The following SPATA16 variants were observed in gnomAD, a reference collection of about 807,000 sequenced individuals.
SPATA16 encodes the protein spermatogenesis-associated protein 16.
SPATA16 carries 36 observed loss-of-function variants against 63.3 expected under a neutral mutation model. The ratio of observed to expected loss-of-function variants is 0.57; its 90% confidence interval spans 0.44 to 0.75. SPATA16 has a LOEUF of 0.75. Among genes scored for constraint, SPATA16 ranks in the 30% least tolerant of loss-of-function variants. The pLI is 0.00. For synonymous variants in SPATA16, 203 were observed against 216.7 expected, an observed-to-expected ratio of 0.94 and a Z score of 0.56; for missense variants, 646 against 679.3, an observed-to-expected ratio of 0.95 and a Z score of 0.54.
chr3:172,969,212 G>A (rs1733991586), intron 5 of SPATA16, among the ~76,000 whole-genome samples: 1 of 152,148 alleles, frequency 6.6e-6, no homozygotes, highest in Non-Finnish European at 1.5e-5. Context: ...GAAAGGGACA[G>A]CAATTATTAA....
intron 2 of SPATA16, among the ~76,000 whole-genome samples, chr3:173,065,920 A>C (rs1736508435): frequency 6.6e-6 from 1 of 152,192 alleles, no homozygotes; most frequent in African/African-American, 2.4e-5. Flanking sequence ...GTCAGGCTAC[A>C]AGGACCGCCG....
At chr3:173,058,237 G>A (rs1489696727) in intron 2 of SPATA16, among the ~76,000 whole-genome samples, 2 of 151,892 alleles carry the variant, frequency 1.3e-5, no homozygotes, top group Non-Finnish European at 2.9e-5. Context: ...ATTATTATAA[G>A]TGGCTGCATA....
Position 173,117,013 on chromosome 3 carries a change from C to T in SPATA16, c.612+107G>A, listed in dbSNP as rs146771675. On this transcript the variant is annotated intron_variant, in intron 2 of 10. Transcript: ENST00000351008. ...ATCCTAATATCATTACATATCCTCA[C>T]CTCATGATCACTGCTTATTACAGTA... 4.4e-6 allele frequency: 5 copies of T among 1,130,736 alleles called. No individual in the cohort carries two copies. The African/African-American group carries it at 6.1e-5, about 14-fold the overall frequency. 70.0% of individuals were successfully genotyped at this position (1,130,736 alleles called of 1,614,324 possible). A position where few individuals can be genotyped will look rare whatever the true frequency, so the allele number is the denominator to read the frequency against.
intron 4 of SPATA16, among the ~76,000 whole-genome samples, chr3:172,984,312 A>G (rs903705257): frequency 1.3e-5 from 2 of 152,100 alleles, no homozygotes; most frequent in African/African-American, 4.8e-5. Context: ...GCCTCCTACA[A>G]CATCTGGTAA....
chr3:172,891,037 A>C (rs1027878121), intron 10 of SPATA16, among the ~76,000 whole-genome samples: 7 of 151,140 alleles, frequency 4.6e-5, no homozygotes, highest in Non-Finnish European at 8.8e-5. Context: ...TTTTCACCAA[A>C]ATAAGACATT....
intron 10 of SPATA16, among the ~76,000 whole-genome samples, chr3:172,901,825 C>T (rs1022127486): frequency 1.3e-5 from 2 of 152,150 alleles, no homozygotes; most frequent in African/African-American, 2.4e-5. Flanking sequence ...CTGTTTCCCA[C>T]GTGGCCTTCA....
chr3:173,128,561 G>A (rs1316682305), intron 1 of SPATA16, among the ~76,000 whole-genome samples: 1 of 152,058 alleles, frequency 6.6e-6, no homozygotes, highest in Non-Finnish European at 1.5e-5. Flanking sequence ...AGCAGAAGAG[G>A]GCTGTATTGA....
intron 4 of SPATA16, among the ~76,000 whole-genome samples, chr3:173,015,550 A>C (rs1367308326): frequency 6.6e-6 from 1 of 152,200 alleles, no homozygotes; most frequent in Non-Finnish European, 1.5e-5. Flanking sequence ...CACTACTATG[A>C]GCACAGTTCT....
intron 10 of SPATA16, among the ~76,000 whole-genome samples, chr3:172,905,963 T>C (rs1468879203): frequency 1.3e-5 from 2 of 152,226 alleles, no homozygotes; most frequent in Admixed American, 6.5e-5. Flanking sequence ...TCCAGAGGCA[T>C]AGCAGAACAA....
chr3:172,949,196 C>CATACACACA (rs1447146068), intron 6 of SPATA16, among the ~76,000 whole-genome samples: 2 of 151,444 alleles, frequency 1.3e-5, no homozygotes, highest in Non-Finnish European at 2.9e-5. Flanking sequence ...GTGTGTGATA[C>CATACACACA]CATAGAATGT....
intron 2 of SPATA16, among the ~76,000 whole-genome samples, chr3:173,070,863 T>C (rs1350919667): frequency 6.6e-6 from 1 of 152,192 alleles, no homozygotes; most frequent in African/African-American, 2.4e-5. Flanking sequence ...GAACAACCAA[T>C]ATGGTTAAAA....
At chr3:172,989,095 CT>C (rs769577264) in intron 4 of SPATA16, among the ~76,000 whole-genome samples, 1 of 152,178 alleles carries the variant, frequency 6.6e-6, no homozygotes, top group Non-Finnish European at 1.5e-5. Flanking sequence ...AATCTTCTTT[CT>C]TTCCAATGTG....
Position 172,890,962 on chromosome 3 carries a change from C to CAT in SPATA16, c.1588-1272_1588-1271dup, listed in dbSNP as rs573970049. ...ATTCTATGTATTCCATATATATATA[C>CAT]ATATATATATATAATATGTGTATAT... On this transcript the variant is annotated intron_variant, in intron 10 of 10. Transcript: ENST00000351008. 3.7e-3 allele frequency among the ~76,000 whole-genome samples: 541 copies of CAT among 147,344 alleles called. 4 individuals are homozygous for CAT. The highest frequency in any genetic ancestry group is 0.011 in the African/African-American group (456 of 40,368).
intron 6 of SPATA16, among the ~76,000 whole-genome samples, chr3:172,939,221 G>A (rs750358348): frequency 2.7e-4 from 41 of 152,090 alleles, no homozygotes; most frequent in Non-Finnish European, 4.9e-4. Context: ...GAACTTACGC[G>A]TTAGCTGCCT....
At chr3:173,023,800 ACT>A (rs955194067) in intron 3 of SPATA16, among the ~76,000 whole-genome samples, 53 of 151,004 alleles carry the variant, frequency 3.5e-4, no homozygotes, top group Admixed American at 1.7e-3. Flanking sequence ...AAGTTTGAAA[ACT>A]CTGCATGAGA....
chr3:173,108,357 T>C (rs939448792), intron 2 of SPATA16, among the ~76,000 whole-genome samples: 3 of 152,202 alleles, frequency 2.0e-5, no homozygotes, highest in Non-Finnish European at 4.4e-5. Flanking sequence ...TACATTTTTA[T>C]ATAATATTTT....
At chr3:173,109,860 G>A (rs1001149936) in intron 2 of SPATA16, among the ~76,000 whole-genome samples, 3 of 152,078 alleles carry the variant, frequency 2.0e-5, no homozygotes, top group African/African-American at 7.2e-5. Flanking sequence ...CCAGCATCTA[G>A]CATTATGCCA....
At chr3:172,924,156 G>T in intron 8 of SPATA16, 52 bp downstream of exon 8, 1 of 1,397,482 alleles carries the variant, frequency 7.2e-7, no homozygotes. Context: ...TATACTTCTA[G>T]AATTCTCTAA....
chr3:173,098,096 C>T (rs1413224925), intron 2 of SPATA16, among the ~76,000 whole-genome samples: 2 of 151,892 alleles, frequency 1.3e-5, no homozygotes, highest in Non-Finnish European at 2.9e-5. Flanking sequence ...TGGGTGACAG[C>T]CATCTTGTTT....
Sources: gnomAD v4.1 joint callset for allele counts (sites outside exome capture counted in the v4.1 genomes callset) on GRCh38, gnomAD v4.1.1 for gene constraint, MANE v1.5 for transcripts, NCBI Gene and HGNC (gene_info 2026-07-23, HGNC 2026-07-21) for gene names.